Variants in ADGRF5 observed in about 807,000 individuals in gnomAD.
ADGRF5 encodes the protein adhesion G protein-coupled receptor F5, also known as G-protein coupled receptor 116.
In ADGRF5, 75 loss-of-function variants were observed where a neutral mutation model predicts 132.3. That is an observed-to-expected ratio of 0.57 (90% CI 0.47 to 0.69). The LOEUF is 0.69. ADGRF5 is among the 30% of genes least tolerant of loss of function. ADGRF5 has a pLI of 0.00. For synonymous variants in ADGRF5, 629 were observed against 597.6 expected (o/e 1.05, Z -0.77); for missense variants, 1,516 against 1,630.6 (o/e 0.93, Z 1.21).
At chr6:46,895,726 A>G (rs1179297192) in intron 3 of ADGRF5, among the ~76,000 whole-genome samples, 8 of 151,452 alleles carry the variant, frequency 5.3e-5, no homozygotes, top group Non-Finnish European at 1.2e-4. Flanking sequence ...ACCAGGCTCC[A>G]AGACACGCCC....
At chr6:46,899,689 A>T (rs1453976204) in intron 3 of ADGRF5, among the ~76,000 whole-genome samples, 10 of 148,234 alleles carry the variant, frequency 6.7e-5, no homozygotes, top group South Asian at 2.1e-4. Flanking sequence ...TTTTTTTTTT[A>T]AAGCAAAAAG....
chr6:46,906,330 T>C (rs1378747987), intron 2 of ADGRF5, among the ~76,000 whole-genome samples: 1 of 152,220 alleles, frequency 6.6e-6, no homozygotes, highest in African/African-American at 2.4e-5. Flanking sequence ...TTGTTGTCAG[T>C]TTAACAGAGT....
At chr6:46,897,908 A>G (rs189446721) in intron 3 of ADGRF5, among the ~76,000 whole-genome samples, 14 of 152,256 alleles carry the variant, frequency 9.2e-5, no homozygotes, top group African/African-American at 3.1e-4. Flanking sequence ...TTCTATGGCC[A>G]TTTCTTACTT....
chr6:46,863,000 G>A lies in ADGRF5; in HGVS notation c.2087C>T (p.Pro696Leu), dbSNP rs1228135766. Residue 696 changes from proline to leucine, a missense_variant, in exon 15 of 21, where the codon CCT becomes CTT. Around this residue, in one of 2 missense-constraint regions of ADGRF5, gnomAD observed 945 missense variants for 929.4 expected, o/e 1.02. Transcript: ENST00000283296. ...GATGGTCCCGCCAATGGGACTCTCA[G>A]GGCTGCTGGGAACGTTTGAGAACCG... ...LCRFSNVPSS[P>L]ESPIGGTITY... is the part of the protein sequence containing the mutation. The A allele has an allele frequency of 7.4e-6, 12 of 1,613,662 alleles. No individual in the cohort carries two copies. Among genetic ancestry groups the A allele is most frequent in the Non-Finnish European group, 9.3e-6 (11 of 1,179,780 alleles).
At position 46,880,055 on chromosome 6, in the gene ADGRF5, AAAGTT is replaced by A; in HGVS notation, c.815-21_815-17del. 1.3e-6 allele frequency: 2 copies of A among 1,571,414 alleles called. No homozygotes were observed. The highest frequency in any genetic ancestry group is 1.8e-6 in the Non-Finnish European group (2 of 1,141,284). ...TTGCTTTCATCTGGAAACCCAAAGAAAAGTTAATAAGATCCCAAAGCAAATAAATG... is the reference window on the plus strand; with the variant it reads ...TTGCTTTCATCTGGAAACCCAAAGAAAATAAGATCCCAAAGCAAATAAATG... On this transcript the variant is annotated splice_polypyrimidine_tract_variant and intron_variant, in intron 8 of 20. Transcript: ENST00000283296.
chr6:46,920,303 T>A (rs1330292535), intron 1 of ADGRF5, among the ~76,000 whole-genome samples: 4 of 152,152 alleles, frequency 2.6e-5, no homozygotes, highest in Non-Finnish European at 4.4e-5. Context: ...ATGGTAAAAA[T>A]GAGTAAAACT....
At position 46,863,121 on chromosome 6, in the gene ADGRF5, G is replaced by C. The variant is rs575645594; in HGVS notation, c.1991-25C>G. On this transcript the variant is annotated intron_variant, in intron 14 of 20. Transcript: ENST00000283296. ...CCTGTGTTGGAAACATTGAAATAAAGGGATAATTGCAAGGAAGAGACAATA... is the reference window on the plus strand; with the variant it reads ...CCTGTGTTGGAAACATTGAAATAAACGGATAATTGCAAGGAAGAGACAATA... 356 of 1,534,770 alleles carry C rather than the reference G, an allele frequency of 2.3e-4. 4 individuals carry two copies. The South Asian group carries it at 3.8e-3, about 16-fold the overall frequency.
intron 1 of ADGRF5, among the ~76,000 whole-genome samples, chr6:46,935,727 C>T (rs1041670209): frequency 2.6e-5 from 4 of 152,234 alleles, no homozygotes; most frequent in Admixed American, 2.6e-4. Flanking sequence ...CATCTGGAAA[C>T]ATCTCCCTGA....
chr6:46,879,088 A>G (rs220667), intron 9 of ADGRF5, among the ~76,000 whole-genome samples: 111,584 of 151,950 alleles, frequency 0.73, 41,639 homozygotes, highest in Non-Finnish European at 0.8. Context: ...GACTTTTTAA[A>G]TATGTACAGT....
At chr6:46,947,058 T>A (rs1778326234) in intron 1 of ADGRF5, among the ~76,000 whole-genome samples, 1 of 152,212 alleles carries the variant, frequency 6.6e-6, no homozygotes, top group Non-Finnish European at 1.5e-5. Context: ...TATAAATATA[T>A]GGTCTTGAAT....
Position 46,867,194 on chromosome 6 carries a change from T to C in ADGRF5, c.1622-57A>G. ...TGGAAATAATCGCCCTTCAAAAGCA[T>C]CTGCTGGGAAGGTTAAGAAGAGGCT... is the stretch of plus-strand genomic sequence containing the variant. On this transcript the variant is annotated intron_variant, in intron 12 of 20. Coordinates refer to ENST00000283296, the MANE Select transcript of ADGRF5 (RefSeq NM_001098518.2). 8 of 1,037,406 alleles carry C rather than the reference T, an allele frequency of 7.7e-6. No individual in the cohort carries two copies. In the South Asian group the frequency reaches 7.8e-5, roughly 10 times the overall value. The allele number at this position is 1,037,406 out of a possible 1,614,324, so 64.3% of individuals were successfully genotyped here.
Position 46,883,457 on chromosome 6 carries a change from C to T in ADGRF5, c.612+102G>A, listed in dbSNP as rs1034519876. On this transcript the variant is annotated intron_variant, in intron 6 of 20. Transcript: ENST00000283296. ...TGTAAAAGAATAATAAATCCACATCCGTAAATTCTGACAGATCCAAGCCAT... is the reference window on the plus strand; with the variant it reads ...TGTAAAAGAATAATAAATCCACATCTGTAAATTCTGACAGATCCAAGCCAT... 3.0e-5 allele frequency: 20 copies of T among 663,860 alleles called. 1 individual carries two copies. Among genetic ancestry groups the T allele is most frequent in the South Asian group, 1.7e-4 (9 of 53,822 alleles). 41.1% of individuals were successfully genotyped at this position (663,860 alleles called of 1,614,324 possible).
Position 46,858,717 on chromosome 6 carries a change from C to T in ADGRF5, c.3186G>A (p.Leu1062=). The T allele has an allele frequency of 6.2e-7, 1 of 1,614,090 alleles. No homozygotes were observed. Among genetic ancestry groups the T allele is most frequent in the Non-Finnish European group, 8.5e-7 (1 of 1,180,022 alleles). Residue 1062 remains leucine (L), a synonymous_variant, in exon 17 of 21, where the codon CTG becomes CTA. Transcript: ENST00000283296. ...CCACAATGAACCAGGTGTTGGCGAC[C>T]AGAAGGGAGGCAGCGATATTCACTA... ...TCIVNIAASL[L]VANTWFIVVA...
At chr6:46,860,372 G>T (rs1205348801) in intron 16 of ADGRF5, among the ~76,000 whole-genome samples, 1 of 152,050 alleles carries the variant, frequency 6.6e-6, no homozygotes, top group African/African-American at 2.4e-5. Flanking sequence ...ATCCTCCCAC[G>T]ATTCCTTTAA....
In ADGRF5 at chr6:46,879,904, C is replaced by T; in HGVS notation, c.950G>A (p.Ser317Asn). Residue 317 changes from serine to asparagine, a missense_variant, in exon 9 of 21, where the codon AGC becomes AAC. Around this residue, in one of 2 missense-constraint regions of ADGRF5, gnomAD observed 945 missense variants for 929.4 expected, o/e 1.02. Transcript: ENST00000283296. ...EEQQLEIQNS[S>N]RFSIYTALFN... ...AAGTGCGGTGTAAATCGAGAATCTGCTGCTGTTCTGGATTTCCAACTGCTG... is the reference window on the plus strand; with the variant it reads ...AAGTGCGGTGTAAATCGAGAATCTGTTGCTGTTCTGGATTTCCAACTGCTG... The T allele has an allele frequency of 6.2e-7, 1 of 1,614,050 alleles. No homozygotes were observed. The highest frequency in any genetic ancestry group is 8.5e-7 in the Non-Finnish European group (1 of 1,179,894).
intron 20 of ADGRF5, chr6:46,854,744 A>G (rs1421047616): frequency 1.6e-6 from 2 of 1,286,960 alleles, no homozygotes; most frequent in African/African-American, 1.5e-5. Flanking sequence ...CACCGCTAAC[A>G]AGGTTTCCGT....
intron 7 of ADGRF5, 61 bp from the exon 8 acceptor site, chr6:46,881,658 A>G (rs1358468623): frequency 3.8e-5 from 56 of 1,472,668 alleles, no homozygotes; most frequent in Non-Finnish European, 5.1e-5. Context: ...CTAGATATTT[A>G]TGGCTTATTT....
intron 1 of ADGRF5, among the ~76,000 whole-genome samples, chr6:46,939,968 G>C (rs2150942351): frequency 6.6e-6 from 1 of 152,002 alleles, no homozygotes; most frequent in Admixed American, 6.5e-5. Flanking sequence ...GTTGACCCTT[G>C]AATAACAGGA....
intron 5 of ADGRF5, 44 bp from the exon 6 acceptor site, chr6:46,883,709 T>A: frequency 9.8e-7 from 1 of 1,016,406 alleles, no homozygotes; most frequent in Non-Finnish European, 1.5e-6. Flanking sequence ...TGTTAATGTC[T>A]GAGTATATAC....
Sources: allele counts gnomAD v4.1 joint callset (sites outside exome capture counted in the v4.1 genomes callset), GRCh38; gene constraint gnomAD v4.1.1; regional missense constraint gnomAD v4.1.1; transcripts MANE v1.5; gene names NCBI Gene and HGNC (gene_info 2026-07-23, HGNC 2026-07-21).